Variants in TMEM163 observed in about 807,000 individuals in gnomAD.
TMEM163 encodes transmembrane protein 163.
A neutral mutation model predicts 29.3 loss-of-function variants in TMEM163; 17 were observed. The ratio of observed to expected loss-of-function variants is 0.58; its 90% confidence interval spans 0.40 to 0.87. The LOEUF (loss-of-function observed/expected upper bound fraction) is 0.87. Among genes scored for constraint, TMEM163 ranks in the 40% least tolerant of loss-of-function variants. The probability of loss-of-function intolerance (pLI) is 0.00; values close to 1 mark genes in which losing one functional copy is unlikely to be tolerated. For missense variants in TMEM163, 303 were observed against 381.5 expected (o/e 0.79, Z 1.71); for synonymous variants, 157 against 160.6 (o/e 0.98, Z 0.17).
rs1019082080 is a variant in TMEM163, at chr2:134,551,703, C to G, written c.366+345G>C. On this transcript the variant is annotated intron_variant, in intron 3 of 7. Transcript: ENST00000281924. ...AGCGCAAGTAGCCCCGATCTTCACT[C>G]GCAGCACATCTGCCTACACCAGAAA... Among the ~76,000 whole-genome samples, 60 of 152,318 alleles carry G rather than the reference C, an allele frequency of 3.9e-4. No individual in the cohort carries two copies. In the Middle Eastern group the frequency reaches 0.014, roughly 35 times the overall value.
intron 2 of TMEM163, among the ~76,000 whole-genome samples, chr2:134,663,978 A>G (rs2104861023): frequency 6.6e-6 from 1 of 152,352 alleles, no homozygotes; most frequent in Middle Eastern, 3.4e-3. Flanking sequence ...CTATAGGCAC[A>G]GGCTTGTCTA....
intron 2 of TMEM163, among the ~76,000 whole-genome samples, chr2:134,627,936 T>TA (rs2104829817): frequency 6.6e-6 from 1 of 152,286 alleles, no homozygotes; most frequent in South Asian, 2.1e-4. Flanking sequence ...AGTTTGCATA[T>TA]AAAAATGTAT....
intron 4 of TMEM163, among the ~76,000 whole-genome samples, chr2:134,513,208 A>C (rs1438184754): frequency 6.6e-6 from 1 of 152,230 alleles, no homozygotes; most frequent in African/African-American, 2.4e-5. Flanking sequence ...TTCTGGAGAC[A>C]GGGAAGACTG....
intron 2 of TMEM163, among the ~76,000 whole-genome samples, chr2:134,616,971 A>G (rs1192623689): frequency 1.3e-5 from 2 of 152,346 alleles, no homozygotes; most frequent in Non-Finnish European, 2.9e-5. Flanking sequence ...ATGACTCCAT[A>G]TGGTAACATG....
At chr2:134,466,552 A>G (rs1400276986) in intron 5 of TMEM163, 3 of 247,792 alleles carry the variant, frequency 1.2e-5, no homozygotes, top group Admixed American at 5.3e-5. Context: ...TGCTAAGAAC[A>G]GCATCTTCTA....
In TMEM163 at chr2:134,653,886, G is replaced by C. The variant is rs1279925515; in HGVS notation, c.322+59314C>G. Among the ~76,000 whole-genome samples, 5 of 126,644 alleles carry C rather than the reference G, an allele frequency of 3.9e-5. No homozygotes were observed. The South Asian group carries it at 1.0e-3, about 26-fold the overall frequency. 83.1% of individuals were successfully genotyped at this position (126,644 alleles called of 152,430 possible). A position where few individuals can be genotyped will look rare whatever the true frequency, so the allele number is the denominator to read the frequency against. ...GTGAGATTCTTAATCCTGAGTTCTAGTTTGATTGCACTGTGGTCTGAGAGA... is the reference window on the plus strand; with the variant it reads ...GTGAGATTCTTAATCCTGAGTTCTACTTTGATTGCACTGTGGTCTGAGAGA... On this transcript the variant is annotated intron_variant, in intron 2 of 7. Transcript: ENST00000281924.
chr2:134,502,941 T>C lies in TMEM163; in HGVS notation c.515A>G (p.Lys172Arg). 6.2e-7 allele frequency: 1 copy of C among 1,613,868 alleles called. No homozygotes were observed. Among genetic ancestry groups the C allele is most frequent in the Non-Finnish European group, 8.5e-7 (1 of 1,179,942 alleles). ...CCTAGTTGAGAGGTCATGGATGGCT[T>C]TGACCACTATACATATGGATGACAG... ...FLLSSICIVV[K>R]AIHDLSTRLL... The change falls in exon 5 of 8, where the codon AAA becomes AGA. Residue 172 changes from lysine to arginine, a missense_variant. Coordinates refer to ENST00000281924, the MANE Select transcript of TMEM163 (RefSeq NM_030923.5).
At chr2:134,596,827 A>C (rs964108693) in intron 2 of TMEM163, among the ~76,000 whole-genome samples, 1 of 152,118 alleles carries the variant, frequency 6.6e-6, no homozygotes, top group Non-Finnish European at 1.5e-5. Context: ...GAGGTCCTTC[A>C]CATCCCTTGT....
intron 2 of TMEM163, among the ~76,000 whole-genome samples, chr2:134,650,508 T>TTTTG (rs368162173): frequency 1.6e-4 from 22 of 135,360 alleles, no homozygotes; most frequent in Non-Finnish European, 2.7e-4. Context: ...TATTTCTTTT[T>TTTTG]TTTGTTTGTT....
chr2:134,673,757 A>C (rs1264688125), intron 2 of TMEM163, among the ~76,000 whole-genome samples: 1 of 152,204 alleles, frequency 6.6e-6, no homozygotes, highest in Non-Finnish European at 1.5e-5. Context: ...CTGGAAAGGC[A>C]AGAAAGCAGA....
intron 3 of TMEM163, among the ~76,000 whole-genome samples, chr2:134,551,351 G>T (rs1263468578): frequency 6.6e-6 from 1 of 152,046 alleles, no homozygotes; most frequent in Admixed American, 6.6e-5. Flanking sequence ...AAAAGAATCT[G>T]CAATGTCCCT....
intron 2 of TMEM163, among the ~76,000 whole-genome samples, chr2:134,610,594 G>A (rs1234249591): frequency 1.3e-5 from 2 of 152,112 alleles, no homozygotes; most frequent in Non-Finnish European, 2.9e-5. Flanking sequence ...GTCATAAGTC[G>A]ATGGGATCCA....
chr2:134,474,561 T>C (rs1161030310), intron 5 of TMEM163, among the ~76,000 whole-genome samples: 1 of 152,108 alleles, frequency 6.6e-6, no homozygotes, highest in Admixed American at 6.5e-5. Flanking sequence ...AAGAAAGAAG[T>C]AAAGCCATTT....
At position 134,672,547 on chromosome 2, in the gene TMEM163, A is replaced by AT. The variant is rs898028176; in HGVS notation, c.322+40652dup. Among the ~76,000 whole-genome samples, 83 of 148,566 alleles carry AT rather than the reference A, an allele frequency of 5.6e-4. 1 individual carries two copies. Among genetic ancestry groups the AT allele is most frequent in the East Asian group, 3.9e-3 (20 of 5,092 alleles). Reference sequence around the variant, plus strand: ...CAGCCACACCTGCCTGGCTAATTTTATTTTTTTTTTGTAGAGACAGTGTAT... The same window carrying AT: ...CAGCCACACCTGCCTGGCTAATTTTATTTTTTTTTTTGTAGAGACAGTGTAT... On this transcript the variant is annotated intron_variant, in intron 2 of 7. Transcript: ENST00000281924.
intron 2 of TMEM163, among the ~76,000 whole-genome samples, chr2:134,617,845 C>G (rs1682642094): frequency 6.6e-6 from 1 of 151,952 alleles, no homozygotes; most frequent in African/African-American, 2.4e-5. Flanking sequence ...GGCACAGTGG[C>G]CCACACTATG....
intron 2 of TMEM163, among the ~76,000 whole-genome samples, chr2:134,653,020 G>C (rs1168105321): frequency 2.3e-5 from 3 of 132,788 alleles, no homozygotes; most frequent in African/African-American, 1.0e-4. Flanking sequence ...TTTTGGTTGT[G>C]TCTCTGCCCG....
Position 134,456,603 on chromosome 2 carries a change from A to G in TMEM163, c.*113T>C. 1 of 1,299,410 alleles carries G rather than the reference A, an allele frequency of 7.7e-7. No individual in the cohort carries two copies. The highest frequency in any genetic ancestry group is 1.1e-6 in the Non-Finnish European group (1 of 921,760). 80.5% of individuals were successfully genotyped at this position (1,299,410 alleles called of 1,614,324 possible). A position where few individuals can be genotyped will look rare whatever the true frequency, so the allele number is the denominator to read the frequency against. ...GGCAGACCTTGTCTTGTAATGACAAACCATGTGAAAGAAAACTTCCAAAAA... is the reference window on the plus strand; with the variant it reads ...GGCAGACCTTGTCTTGTAATGACAAGCCATGTGAAAGAAAACTTCCAAAAA... On this transcript the variant is annotated 3_prime_UTR_variant, in exon 8 of 8. Coordinates refer to ENST00000281924, the MANE Select transcript of TMEM163 (RefSeq NM_030923.5).
intron 2 of TMEM163, among the ~76,000 whole-genome samples, chr2:134,555,827 A>G (rs1345085154): frequency 1.3e-5 from 2 of 152,196 alleles, no homozygotes; most frequent in Non-Finnish European, 2.9e-5. Flanking sequence ...TCCCCATCCC[A>G]TAAGAGCATC....
intron 4 of TMEM163, among the ~76,000 whole-genome samples, chr2:134,545,129 A>C (rs946866999): frequency 1.3e-5 from 2 of 152,186 alleles, no homozygotes; most frequent in African/African-American, 4.8e-5. Context: ...CTCTTCACTT[A>C]ATGCAGCTTG....
Sources: gnomAD v4.1 joint callset for allele counts (sites outside exome capture counted in the v4.1 genomes callset) on GRCh38, gnomAD v4.1.1 for gene constraint, MANE v1.5 for transcripts, NCBI Gene and HGNC (gene_info 2026-07-23, HGNC 2026-07-21) for gene names.